Variants in WWOX observed in about 807,000 individuals in gnomAD.
The protein encoded by WWOX is WW domain containing oxidoreductase.
A neutral mutation model predicts 46.2 loss-of-function variants in WWOX; 69 were observed. That is an observed-to-expected ratio of 1.49 (90% CI 1.23 to 1.82). The LOEUF (loss-of-function observed/expected upper bound fraction) is 1.82, where lower values mean the gene tolerates loss of function less well. Ranked by LOEUF, WWOX falls within the 40% of genes most tolerant of loss-of-function variation. WWOX has a pLI of 0.00. For missense variants in WWOX, 919 were observed against 542.6 expected, an observed-to-expected ratio of 1.69 and a Z score of -6.89; for synonymous variants, 359 against 202.6, an observed-to-expected ratio of 1.77 and a Z score of -6.56.
chr16:78,832,112 C>G lies in WWOX; in HGVS notation c.1057-379496C>G, dbSNP rs117030463. ...TAGGGAGTGGCTTAGCTGGGTGATT[C>G]TAGCTCAGGGTCTTTTCTGAAGTTG... On this transcript the variant is annotated intron_variant, in intron 8 of 8. Transcript: ENST00000566780. Among the ~76,000 whole-genome samples the G allele has an allele frequency of 9.3e-3, 1,423 of 152,264 alleles. 13 individuals carry two copies. The highest frequency in any genetic ancestry group is 0.019 in the Admixed American group (285 of 15,292).
At chr16:78,877,237 G>T (rs1079634) in intron 8 of WWOX, among the ~76,000 whole-genome samples, 108,281 of 151,760 alleles carry the variant, frequency 0.71, 38,882 homozygotes, top group African/African-American at 0.76. Context: ...AGGCAAAATC[G>T]TCACAGTAGG....
At position 78,385,837 on chromosome 16, in the gene WWOX, T is replaced by C. The variant is rs145929116; in HGVS notation, c.517-1023T>C. 3.3e-5 allele frequency among the ~76,000 whole-genome samples: 5 copies of C among 152,344 alleles called. No homozygotes were observed. In the East Asian group the frequency reaches 5.8e-4, roughly 18 times the overall value. On this transcript the variant is annotated intron_variant, in intron 5 of 8. Coordinates refer to ENST00000566780, the MANE Select transcript of WWOX (RefSeq NM_016373.4). Reference sequence around the variant, plus strand: ...TGAATAGGCAGGTGGCCCTGTGTTCTTGGGTTTTTTGTCCTTTCAAGGAGC... The same window carrying C: ...TGAATAGGCAGGTGGCCCTGTGTTCCTGGGTTTTTTGTCCTTTCAAGGAGC...
At position 78,296,559 on chromosome 16, in the gene WWOX, T is replaced by C. The variant is rs186428063; in HGVS notation, c.517-90301T>C. On this transcript the variant is annotated intron_variant, in intron 5 of 8. Transcript: ENST00000566780. ...ATTTTCTAAAATTACATGTAGTACA[T>C]GTATATCAACTTCAAGACATTGAGA... is the stretch of plus-strand genomic sequence containing the variant. Among the ~76,000 whole-genome samples the C allele has an allele frequency of 1.7e-3, 260 of 151,642 alleles. 1 individual carries two copies. In the Middle Eastern group the frequency reaches 0.021, roughly 12 times the overall value.
At chr16:78,798,596 T>G (rs373504606) in intron 8 of WWOX, among the ~76,000 whole-genome samples, 12,855 of 151,290 alleles carry the variant, frequency 0.085, 724 homozygotes, top group Non-Finnish European at 0.12. Context: ...GTTGGGTTTT[T>G]TTTTTTTTTT....
In WWOX at chr16:79,177,957, C is replaced by G. The variant is rs1400772659; in HGVS notation, c.1057-33651C>G. ...AGCAAAGCAACGGCAGATTCAGCTT[C>G]TGTTGAGGGCTCGTTCCCTGGCTCA... On this transcript the variant is annotated intron_variant, in intron 8 of 8. Transcript: ENST00000566780. Among the ~76,000 whole-genome samples, 8 of 152,306 alleles carry G rather than the reference C, an allele frequency of 5.3e-5. No homozygotes were observed. In the East Asian group the frequency reaches 1.2e-3, roughly 22 times the overall value.
At chr16:78,226,959 G>T (rs1283390694) in intron 5 of WWOX, among the ~76,000 whole-genome samples, 1 of 152,124 alleles carries the variant, frequency 6.6e-6, no homozygotes, top group Non-Finnish European at 1.5e-5. Flanking sequence ...GACACAGCAG[G>T]CATGTGAAAA....
intron 8 of WWOX, among the ~76,000 whole-genome samples, chr16:78,877,420 A>T (rs1166400353): frequency 6.6e-6 from 1 of 151,950 alleles, no homozygotes; most frequent in Non-Finnish European, 1.5e-5. Context: ...TGCCTGGAGT[A>T]TTCTTCCACG....
chr16:78,717,110 A>T (rs2048582565), intron 8 of WWOX, among the ~76,000 whole-genome samples: 2 of 152,192 alleles, frequency 1.3e-5, no homozygotes, highest in Admixed American at 6.5e-5. Flanking sequence ...ATTCCAAGAG[A>T]TGGCTGTAAG....
At chr16:78,825,674 C>T (rs2051633116) in intron 8 of WWOX, 3 of 529,404 alleles carry the variant, frequency 5.7e-6, no homozygotes, top group South Asian at 1.7e-5. Flanking sequence ...GGGCCATAGG[C>T]TGCCAAGCTG....
At chr16:78,419,953 T>G (rs1486533282) in intron 6 of WWOX, among the ~76,000 whole-genome samples, 1 of 152,004 alleles carries the variant, frequency 6.6e-6, no homozygotes, top group African/African-American at 2.4e-5. Flanking sequence ...GAAAACTCAT[T>G]TAAAAAATGA....
At chr16:78,910,000 A>C (rs2045066944) in intron 8 of WWOX, among the ~76,000 whole-genome samples, 2 of 152,258 alleles carry the variant, frequency 1.3e-5, no homozygotes. Context: ...ATTTAAGATC[A>C]AATTTTTGCA....
rs534384219 is a variant in WWOX, at chr16:78,408,151, A to G, written c.606-16719A>G. Among the ~76,000 whole-genome samples, 6 of 152,288 alleles carry G rather than the reference A, an allele frequency of 3.9e-5. No homozygotes were observed. The East Asian group carries it at 9.7e-4, about 25-fold the overall frequency. ...TTTAAAGACTGAAAGCCAAGCTACA[A>G]GTTAAATCCTCGGACCAGATTGAGA... On this transcript the variant is annotated intron_variant, in intron 6 of 8. Transcript: ENST00000566780.
chr16:78,689,964 G>C (rs1320969150), intron 8 of WWOX, among the ~76,000 whole-genome samples: 2 of 152,052 alleles, frequency 1.3e-5, no homozygotes, highest in African/African-American at 4.8e-5. Flanking sequence ...AGGCTCAAAT[G>C]ATTCTCCTAC....
chr16:78,376,817 G>GTA (rs1316813296), intron 5 of WWOX, among the ~76,000 whole-genome samples: 2 of 152,198 alleles, frequency 1.3e-5, no homozygotes, highest in African/African-American at 2.4e-5. Context: ...GGCTATCAGG[G>GTA]TATAGTTCTC....
Position 78,346,182 on chromosome 16 carries a change from C to G in WWOX, c.517-40678C>G, listed in dbSNP as rs1417365831. ...TCCACATAATTACCTTGGGATGTAC[C>G]CATACTGCTGCCTGTATCAGTGGCT... On this transcript the variant is annotated intron_variant, in intron 5 of 8. Transcript: ENST00000566780. Among the ~76,000 whole-genome samples the G allele has an allele frequency of 3.3e-5, 4 of 120,760 alleles. 1 individual carries two copies. Among genetic ancestry groups the G allele is most frequent in the Non-Finnish European group, 5.9e-5 (3 of 50,510 alleles). The allele number at this position is 120,760 out of a possible 152,430, so 79.2% of individuals were successfully genotyped here.
At chr16:78,621,012 G>C (rs2046167376) in intron 8 of WWOX, among the ~76,000 whole-genome samples, 1 of 152,212 alleles carries the variant, frequency 6.6e-6, no homozygotes, top group Admixed American at 6.5e-5. Flanking sequence ...CAACTCAAAG[G>C]CTGTTGAAAG....
At chr16:78,561,873 C>A (rs984312490) in intron 8 of WWOX, among the ~76,000 whole-genome samples, 1 of 152,142 alleles carries the variant, frequency 6.6e-6, no homozygotes, top group Non-Finnish European at 1.5e-5. Flanking sequence ...TAGTTGGTCT[C>A]TTGAGTGACC....
chr16:78,908,818 A>G lies in WWOX; in HGVS notation c.1057-302790A>G, dbSNP rs116217690. Among the ~76,000 whole-genome samples, 1,300 of 152,336 alleles carry G rather than the reference A, an allele frequency of 8.5e-3. 19 individuals are homozygous for G. The highest frequency in any genetic ancestry group is 0.03 in the African/African-American group (1,242 of 41,568). ...CTGGGTGGTGCCAGCTGATCCATCAATTGCAGGGTCTGCAAAGTATCTAAA... is the reference window on the plus strand; with the variant it reads ...CTGGGTGGTGCCAGCTGATCCATCAGTTGCAGGGTCTGCAAAGTATCTAAA... On this transcript the variant is annotated intron_variant, in intron 8 of 8. Transcript: ENST00000566780.
At chr16:78,514,485 C>A (rs1471086039) in intron 8 of WWOX, among the ~76,000 whole-genome samples, 1 of 152,114 alleles carries the variant, frequency 6.6e-6, no homozygotes, top group Non-Finnish European at 1.5e-5. Flanking sequence ...AAAAAGTTAG[C>A]AAAGGTGAAG....
Sources: allele counts gnomAD v4.1 joint callset (sites outside exome capture counted in the v4.1 genomes callset), GRCh38; gene constraint gnomAD v4.1.1; transcripts MANE v1.5; gene names NCBI Gene and HGNC (gene_info 2026-07-23, HGNC 2026-07-21).